ZCCHC4: variants seen among roughly 807,000 people sequenced by gnomAD.
The protein encoded by ZCCHC4 is zinc finger CCHC-type containing 4.
ZCCHC4 carries 54 observed loss-of-function variants against 67.7 expected under a neutral mutation model. The ratio of observed to expected loss-of-function variants is 0.80; its 90% CI spans 0.64 to 1.00. The LOEUF (loss-of-function observed/expected upper bound fraction) is 1.00, where lower values mean the gene tolerates loss of function less well. Ranked by LOEUF, ZCCHC4 falls within the 50% of genes least tolerant of loss-of-function variation. ZCCHC4 has a pLI of 0.00. For missense variants in ZCCHC4, 609 were observed against 617.0 expected (o/e 0.99, Z 0.14); for synonymous variants, 198 against 213.5 (o/e 0.93, Z 0.63).
At chr4:25,337,973 G>C (rs1017358269) in intron 5 of ZCCHC4, among the ~76,000 whole-genome samples, 25 of 152,116 alleles carry the variant, frequency 1.6e-4, no homozygotes, top group Non-Finnish European at 5.9e-5. Flanking sequence ...AAGGAAAAAT[G>C]ATCTTTAATT....
At position 25,369,454 on chromosome 4, in the gene ZCCHC4, GA is replaced by G. The variant is rs537417842; in HGVS notation, c.*291del. The G allele has an allele frequency of 6.7e-3, 2,177 of 322,762 alleles. 14 individuals carry two copies. Among genetic ancestry groups the G allele is most frequent in the South Asian group, 0.015 (433 of 28,544 alleles). The allele number at this position is 322,762 out of a possible 1,614,324, so 20.0% of individuals were successfully genotyped here. ...ATTTTTATGTTTTCATTTTTTTTGAGATGGAGTCTTGCTCTGTCTCCCAGGC... is the reference window on the plus strand; with the variant it reads ...ATTTTTATGTTTTCATTTTTTTTGAGTGGAGTCTTGCTCTGTCTCCCAGGC... On this transcript the variant is annotated 3_prime_UTR_variant, in exon 13 of 13. Transcript: ENST00000302874.
intron 3 of ZCCHC4, among the ~76,000 whole-genome samples, chr4:25,326,359 T>C (rs1718886267): frequency 6.6e-6 from 1 of 152,254 alleles, no homozygotes; most frequent in South Asian, 2.1e-4. Context: ...AACCTCCTCA[T>C]CTTAAGATCC....
At chr4:25,356,757 A>T (rs1720536458) in intron 8 of ZCCHC4, among the ~76,000 whole-genome samples, 1 of 152,140 alleles carries the variant, frequency 6.6e-6, no homozygotes, top group Non-Finnish European at 1.5e-5. Context: ...TTTATTGAGT[A>T]CACAGAGGAG....
In ZCCHC4 at chr4:25,333,296, A is replaced by C. The variant is rs77206225; in HGVS notation, c.443A>C (p.Asn148Thr). 1.9e-6 allele frequency: 3 copies of C among 1,614,096 alleles called. No individual in the cohort carries two copies. Among genetic ancestry groups the C allele is most frequent in the Non-Finnish European group, 2.5e-6 (3 of 1,180,014 alleles). The change falls in exon 4 of 13, where the codon AAT (asparagine) becomes ACT (threonine). Residue 148 changes from asparagine (N) to threonine (T), a missense_variant. Coordinates refer to ENST00000302874, the MANE Select transcript of ZCCHC4 (RefSeq NM_024936.3). ...GQHSEHQVLG[N>T]VSITQLRRPS... ...CATAGTGAGCATCAGGTTCTGGGTA[A>C]TGTGTCCATTACCCAGTTAAGAAGG...
At chr4:25,324,086 A>G (rs2109054813) in intron 3 of ZCCHC4, among the ~76,000 whole-genome samples, 2 of 127,074 alleles carry the variant, frequency 1.6e-5, no homozygotes, top group East Asian at 4.9e-4. Flanking sequence ...ATCTCAGTTC[A>G]CTGCAATCTC....
At chr4:25,338,946 A>G (rs774840555) in intron 5 of ZCCHC4, among the ~76,000 whole-genome samples, 6 of 152,178 alleles carry the variant, frequency 3.9e-5, no homozygotes, top group Non-Finnish European at 5.9e-5. Context: ...AATACCACAG[A>G]CTATGTGGCT....
chr4:25,316,984 G>A (rs1017486496), intron 3 of ZCCHC4, among the ~76,000 whole-genome samples: 8 of 152,102 alleles, frequency 5.3e-5, no homozygotes, highest in African/African-American at 1.7e-4. Context: ...CTGCATTGTT[G>A]AAATGTTTTA....
chr4:25,366,167 TC>T (rs1720936347), intron 12 of ZCCHC4: 1 of 983,458 alleles, frequency 1.0e-6, no homozygotes, highest in African/African-American at 1.7e-5. Flanking sequence ...AATTTTTTTT[TC>T]CATTGTGGTC....
At chr4:25,337,701 A>G (rs1016915006) in intron 5 of ZCCHC4, among the ~76,000 whole-genome samples, 8 of 152,222 alleles carry the variant, frequency 5.3e-5, no homozygotes, top group African/African-American at 1.9e-4. Context: ...ATTCAAGACA[A>G]TGTATACAGT....
At chr4:25,345,880 C>T (rs767931457) in intron 6 of ZCCHC4, among the ~76,000 whole-genome samples, 3 of 152,158 alleles carry the variant, frequency 2.0e-5, no homozygotes, top group African/African-American at 7.2e-5. Context: ...GATCTGACCC[C>T]GATTTCCACT....
At chr4:25,325,241 CAA>C (rs11318046) in intron 3 of ZCCHC4, among the ~76,000 whole-genome samples, 17 of 74,750 alleles carry the variant, frequency 2.3e-4, no homozygotes, top group African/African-American at 8.7e-4. Context: ...GACTCCGTCT[CAA>C]AAAAAAAAAA....
chr4:25,368,903 T>C (rs2109098485), intron 12 of ZCCHC4, 126 bp from the exon 13 acceptor site: 1 of 1,162,550 alleles, frequency 8.6e-7, no homozygotes, highest in Non-Finnish European at 1.2e-6. Context: ...GATTTATGCT[T>C]GCAATACAGT....
intron 3 of ZCCHC4, among the ~76,000 whole-genome samples, chr4:25,321,112 G>A (rs777513502): frequency 2.0e-5 from 3 of 151,972 alleles, no homozygotes; most frequent in Non-Finnish European, 4.4e-5. Context: ...TCCTCTAAAG[G>A]CCTTAATTAT....
intron 8 of ZCCHC4, among the ~76,000 whole-genome samples, chr4:25,354,242 C>G (rs1720426057): frequency 2.0e-5 from 3 of 152,026 alleles, no homozygotes; most frequent in African/African-American, 7.2e-5. Flanking sequence ...GTCTGTGTTA[C>G]TAGGAAAGAA....
intron 6 of ZCCHC4, among the ~76,000 whole-genome samples, chr4:25,349,231 C>T (rs1720168606): frequency 6.6e-6 from 1 of 152,072 alleles, no homozygotes; most frequent in Admixed American, 6.6e-5. Flanking sequence ...TTAATTTAAC[C>T]ATTTGAAATG....
intron 8 of ZCCHC4, among the ~76,000 whole-genome samples, chr4:25,356,742 G>A (rs570623041): frequency 1.3e-4 from 19 of 151,908 alleles, no homozygotes; most frequent in African/African-American, 1.9e-4. Context: ...ATAAGGTACC[G>A]TATATTTATT....
chr4:25,340,686 AGTAT>A (rs1719712919), intron 5 of ZCCHC4, among the ~76,000 whole-genome samples: 1 of 152,160 alleles, frequency 6.6e-6, no homozygotes, highest in Non-Finnish European at 1.5e-5. Context: ...TGTAGTTTTC[AGTAT>A]GTAAGTTTTG....
At chr4:25,319,835 G>A (rs1560397703) in intron 3 of ZCCHC4, among the ~76,000 whole-genome samples, 2 of 151,918 alleles carry the variant, frequency 1.3e-5, no homozygotes, top group Admixed American at 1.3e-4. Flanking sequence ...TTATAAGTTA[G>A]CTTATTAAAC....
chr4:25,328,084 G>A (rs1718984928), intron 3 of ZCCHC4, among the ~76,000 whole-genome samples: 1 of 152,054 alleles, frequency 6.6e-6, no homozygotes, highest in Admixed American at 6.6e-5. Flanking sequence ...TTGGGATAAT[G>A]GTGGCCTCAT....
Sources: gnomAD v4.1 joint callset for allele counts (sites outside exome capture counted in the v4.1 genomes callset) on GRCh38, gnomAD v4.1.1 for gene constraint, MANE v1.5 for transcripts, NCBI Gene and HGNC (gene_info 2026-07-23, HGNC 2026-07-21) for gene names.